AXDND1: variants seen among roughly 807,000 people sequenced by gnomAD.
The protein encoded by AXDND1 is axonemal dynein light chain domain-containing protein 1.
A neutral mutation model predicts 137.5 loss-of-function variants in AXDND1; 110 were observed. That is an observed-to-expected ratio of 0.80 (90% CI 0.69 to 0.94). The LOEUF is 0.94. Among genes scored for constraint, AXDND1 ranks in the 40% least tolerant of loss-of-function variants. The pLI is 0.00. For missense variants in AXDND1, 1,191 were observed against 1,169.8 expected (o/e 1.02, Z -0.26); for synonymous variants, 414 against 399.7 (o/e 1.04, Z -0.43).
chr1:179,378,804 T>C (rs781544050), intron 5 of AXDND1, 47 bp downstream of exon 5: 2 of 1,368,136 alleles, frequency 1.5e-6, no homozygotes, highest in Non-Finnish European at 1.9e-6. Context: ...CTGTCTACTT[T>C]TAAAAATCAT....
At position 179,366,755 on chromosome 1, in the gene AXDND1, T is replaced by C. The variant is rs1667452507; in HGVS notation, c.97+149T>C. ...CTTGCTTAAATAAAGCAAGAAGTCA[T>C]TCCTTTTACAGTATTTTGAGTCAGA... On this transcript the variant is annotated intron_variant, in intron 2 of 25. Coordinates refer to ENST00000367618, the MANE Select transcript of AXDND1 (RefSeq NM_144696.6). The C allele has an allele frequency of 2.2e-5, 14 of 647,864 alleles. No homozygotes were observed. The South Asian group carries it at 2.4e-4, about 11-fold the overall frequency. The allele number at this position is 647,864 out of a possible 1,614,324, so 40.1% of individuals were successfully genotyped here.
intron 25 of AXDND1, 138 bp from the exon 26 acceptor site, chr1:179,554,374 C>A: frequency 7.4e-7 from 1 of 1,356,632 alleles, no homozygotes; most frequent in Non-Finnish European, 1.1e-6. Context: ...GCTGATATGG[C>A]TATAGTACTC....
At position 179,368,825 on chromosome 1, in the gene AXDND1, A is replaced by C. The variant is rs778403410; in HGVS notation, c.123A>C (p.Lys41Asn). Reference sequence around the variant, plus strand: ...GACTTCCTGAGCTAAAGGAGAAAAAAAATATGGTGGATCGTTCAAAACTCC... The same window carrying C: ...GACTTCCTGAGCTAAAGGAGAAAAACAATATGGTGGATCGTTCAAAACTCC... ...TRGLPELKEKKNMVDRSKLLP... is the reference protein window; with the variant it reads ...TRGLPELKEKNNMVDRSKLLP... The change falls in exon 3 of 26, where the codon AAA (lysine) becomes AAC (asparagine). Residue 41 changes from lysine (K) to asparagine (N), a missense_variant. Physicochemically the swap from Lys to Asn is moderately conservative, Grantham distance 94. Coordinates refer to ENST00000367618, the MANE Select transcript of AXDND1 (RefSeq NM_144696.6). 3.6e-5 allele frequency: 58 copies of C among 1,612,172 alleles called. No homozygotes were observed. The South Asian group carries it at 4.6e-4, about 13-fold the overall frequency.
chr1:179,553,906 T>C (rs12760325), intron 25 of AXDND1, among the ~76,000 whole-genome samples: 30,083 of 139,000 alleles, frequency 0.22, 3,682 homozygotes, highest in Non-Finnish European at 0.28. Context: ...CCAACACCCC[T>C]GGCTAATTTT....
Position 179,369,988 on chromosome 1 carries a change from G to T in AXDND1, c.284G>T (p.Arg95Leu). The change falls in exon 4 of 26, where the codon CGC (arginine) becomes CTC (leucine). Residue 95 changes from arginine (R) to leucine (L), a missense_variant. Transcript: ENST00000367618. ...KIKTPKGTLP[R>L]LVDHVWHHPV... ...GCTTTTTCCCAGGGCACTCTTCCACGCCTTGTAGACCATGTCTGGCATCAC... is the reference window on the plus strand; with the variant it reads ...GCTTTTTCCCAGGGCACTCTTCCACTCCTTGTAGACCATGTCTGGCATCAC... The T allele has an allele frequency of 6.2e-7, 1 of 1,613,594 alleles. No individual in the cohort carries two copies. Among genetic ancestry groups the T allele is most frequent in the African/African-American group, 1.3e-5 (1 of 74,982 alleles).
intron 21 of AXDND1, among the ~76,000 whole-genome samples, chr1:179,509,897 G>C (rs1429936009): frequency 6.6e-6 from 1 of 152,156 alleles, no homozygotes; most frequent in African/African-American, 2.4e-5. Flanking sequence ...CCTTGACCTT[G>C]TCTCTCTGCT....
At chr1:179,459,703 C>T (rs550701783) in intron 16 of AXDND1, among the ~76,000 whole-genome samples, 24,259 of 148,410 alleles carry the variant, frequency 0.16, 2,338 homozygotes, top group East Asian at 0.34. Context: ...TTCTTTCTTT[C>T]CTTTCTTTCT....
intron 17 of AXDND1, among the ~76,000 whole-genome samples, chr1:179,477,622 G>A (rs967918147): frequency 3.9e-5 from 6 of 152,090 alleles, no homozygotes; most frequent in African/African-American, 1.4e-4. Context: ...AGGGAATTTT[G>A]GGAGCTACAA....
intron 8 of AXDND1, among the ~76,000 whole-genome samples, chr1:179,384,761 G>A (rs1447141945): frequency 6.6e-6 from 1 of 151,652 alleles, no homozygotes; most frequent in Non-Finnish European, 1.5e-5. Context: ...AGATAAAGAG[G>A]CACCAATTTT....
At chr1:179,461,353 ATGG>A (rs756275133) in intron 16 of AXDND1, among the ~76,000 whole-genome samples, 21 of 152,110 alleles carry the variant, frequency 1.4e-4, no homozygotes, top group Non-Finnish European at 2.5e-4. Context: ...TAAAGATCAG[ATGG>A]TTGTAGATGT....
At chr1:179,418,554 C>T (rs893703381) in intron 12 of AXDND1, among the ~76,000 whole-genome samples, 2 of 152,124 alleles carry the variant, frequency 1.3e-5, no homozygotes, top group African/African-American at 4.8e-5. Context: ...CCCCACTTCC[C>T]AGTAGGGGCG....
intron 5 of AXDND1, 150 bp from the exon 6 acceptor site, chr1:179,379,247 A>T (rs1325656103): frequency 1.5e-5 from 11 of 727,938 alleles, no homozygotes. Flanking sequence ...ATTTGCTATG[A>T]CCCACATTGC....
chr1:179,540,664 C>T (rs565364275), intron 25 of AXDND1, among the ~76,000 whole-genome samples: 67 of 152,296 alleles, frequency 4.4e-4, no homozygotes, highest in East Asian at 1.5e-3. Flanking sequence ...TCAGGCTACA[C>T]GGGGGTCAGG....
At chr1:179,403,465 A>C (rs989763373) in intron 11 of AXDND1, among the ~76,000 whole-genome samples, 1 of 152,240 alleles carries the variant, frequency 6.6e-6, no homozygotes, top group African/African-American at 2.4e-5. Context: ...GGTTTATGTT[A>C]CTGTACTAAA....
intron 15 of AXDND1, among the ~76,000 whole-genome samples, chr1:179,438,167 A>AATAAATAAATAAATAC (rs2125338448): frequency 1.5e-5 from 2 of 136,454 alleles, no homozygotes; most frequent in African/African-American, 5.5e-5. Context: ...TAAGTAAATA[A>AATAAATAAATAAATAC]ATAAATAAAT....
intron 20 of AXDND1, among the ~76,000 whole-genome samples, chr1:179,501,221 A>G (rs1667966189): frequency 6.6e-6 from 1 of 152,190 alleles, no homozygotes; most frequent in African/African-American, 2.4e-5. Context: ...AATAGCTAAC[A>G]CACTTTTGAA....
chr1:179,416,333 C>T (rs1426232982), intron 12 of AXDND1, among the ~76,000 whole-genome samples: 4 of 152,112 alleles, frequency 2.6e-5, no homozygotes, highest in Admixed American at 6.5e-5. Flanking sequence ...ATTATTCATT[C>T]GTTGGTGGGC....
At chr1:179,507,676 G>T (rs1468658651) in intron 20 of AXDND1, among the ~76,000 whole-genome samples, 2 of 151,922 alleles carry the variant, frequency 1.3e-5, no homozygotes, top group East Asian at 3.9e-4. Context: ...ATCAGAAATT[G>T]CTACAAATCA....
intron 16 of AXDND1, among the ~76,000 whole-genome samples, chr1:179,465,863 A>G (rs1663084381): frequency 6.6e-6 from 1 of 151,738 alleles, no homozygotes; most frequent in Admixed American, 6.6e-5. Flanking sequence ...TTGCAGTTTG[A>G]TCTCAGACTG....
Sources: gnomAD v4.1 joint callset for allele counts (sites outside exome capture counted in the v4.1 genomes callset) on GRCh38, gnomAD v4.1.1 for gene constraint, MANE v1.5 for transcripts, NCBI Gene and HGNC (gene_info 2026-07-23, HGNC 2026-07-21) for gene names.